The following NR2F1-AS1 variants were observed in gnomAD, a reference collection of about 807,000 sequenced individuals.
The protein encoded by NR2F1-AS1 is NR2F1 antisense RNA 1.
At chr5:93,490,725 C>T (rs1475347423) in intron 4 of NR2F1-AS1, among the ~76,000 whole-genome samples, 1 of 133,118 alleles carries the variant, frequency 7.5e-6, no homozygotes, top group African/African-American at 2.9e-5. Context: ...GGTGGTTGTT[C>T]CTGGTAATGG....
chr5:93,513,523 G>A (rs1180997818), intron 4 of NR2F1-AS1, among the ~76,000 whole-genome samples: 3 of 151,988 alleles, frequency 2.0e-5, no homozygotes, highest in African/African-American at 7.2e-5. Context: ...ACAACATGGA[G>A]GTCATTATCC....
At chr5:93,450,914 C>CAAAAAAAAAAAAAAAAA (rs60895927) in intron 4 of NR2F1-AS1, among the ~76,000 whole-genome samples, 2 of 54,048 alleles carry the variant, frequency 3.7e-5, no homozygotes, top group Non-Finnish European at 8.0e-5. Flanking sequence ...GAATCTGCTT[C>CAAAAAAAAAAAAAAAAA]AAAAAAAAAA....
intron 2 of NR2F1-AS1, among the ~76,000 whole-genome samples, chr5:93,556,300 A>AT (rs1752353590): frequency 6.6e-6 from 1 of 152,230 alleles, no homozygotes; most frequent in South Asian, 2.1e-4. Flanking sequence ...CAGTTTTTAT[A>AT]TAAGAACAGA....
intron 4 of NR2F1-AS1, among the ~76,000 whole-genome samples, chr5:93,511,980 T>A (rs1466001028): frequency 3.9e-5 from 6 of 152,208 alleles, no homozygotes; most frequent in African/African-American, 1.4e-4. Context: ...TACATAGTAC[T>A]TGATAATGAT....
At chr5:93,506,335 A>G (rs545476063) in intron 4 of NR2F1-AS1, among the ~76,000 whole-genome samples, 5 of 152,072 alleles carry the variant, frequency 3.3e-5, no homozygotes, top group African/African-American at 7.2e-5. Flanking sequence ...ACATTTTCCT[A>G]TCTTCTTCTG....
chr5:93,497,091 C>T (rs1303710687), intron 4 of NR2F1-AS1, among the ~76,000 whole-genome samples: 1 of 151,990 alleles, frequency 6.6e-6, no homozygotes, highest in South Asian at 2.1e-4. Context: ...TCAGTAAAGG[C>T]CTTTTTTTTT....
intron 4 of NR2F1-AS1, among the ~76,000 whole-genome samples, chr5:93,423,639 T>C (rs1285382315): frequency 6.6e-6 from 1 of 152,202 alleles, no homozygotes; most frequent in Non-Finnish European, 1.5e-5. Context: ...TCCAAAGTAG[T>C]ACAATTACAA....
chr5:93,474,891 C>T (rs1327233449), intron 4 of NR2F1-AS1, among the ~76,000 whole-genome samples: 5 of 152,030 alleles, frequency 3.3e-5, no homozygotes, highest in African/African-American at 1.2e-4. Flanking sequence ...TTTGGGTGGC[C>T]GAGGCAGGCA....
chr5:93,445,668 T>A (rs1186718738), intron 4 of NR2F1-AS1, among the ~76,000 whole-genome samples: 4 of 151,918 alleles, frequency 2.6e-5, no homozygotes, highest in African/African-American at 4.8e-5. Flanking sequence ...CCAACCAATA[T>A]AAAAAGAGGG....
chr5:93,489,221 C>G (rs1750787633), intron 4 of NR2F1-AS1, among the ~76,000 whole-genome samples: 1 of 151,502 alleles, frequency 6.6e-6, no homozygotes, highest in South Asian at 2.1e-4. Context: ...GCACATGTAT[C>G]ACAGAACTTG....
chr5:93,578,239 A>G (rs1471333355), intron 1 of NR2F1-AS1, among the ~76,000 whole-genome samples: 1 of 152,202 alleles, frequency 6.6e-6, no homozygotes. Context: ...TCACCAGATC[A>G]CAATTTACTG....
At chr5:93,411,927 T>A (rs1434267378) in intron 4 of NR2F1-AS1, among the ~76,000 whole-genome samples, 1 of 152,150 alleles carries the variant, frequency 6.6e-6, no homozygotes, top group Non-Finnish European at 1.5e-5. Flanking sequence ...GAAACAACAG[T>A]TGCAGATAGA....
intron 4 of NR2F1-AS1, among the ~76,000 whole-genome samples, chr5:93,472,288 A>G (rs934093307): frequency 3.3e-5 from 5 of 151,876 alleles, no homozygotes; most frequent in Admixed American, 3.3e-4. Flanking sequence ...GACAATCATG[A>G]ATTTGCTGAT....
At chr5:93,447,448 GA>G (rs1406925666) in intron 4 of NR2F1-AS1, among the ~76,000 whole-genome samples, 1 of 152,122 alleles carries the variant, frequency 6.6e-6, no homozygotes, top group African/African-American at 2.4e-5. Context: ...ACAGACACAT[GA>G]AAAAATGCTC....
intron 4 of NR2F1-AS1, among the ~76,000 whole-genome samples, chr5:93,517,650 G>T (rs1007353931): frequency 1.3e-5 from 2 of 152,020 alleles, no homozygotes; most frequent in African/African-American, 2.4e-5. Context: ...AAAGAATGAA[G>T]TAGGTACTTT....
chr5:93,581,344 G>A (rs1753025012), upstream of NR2F1-AS1: 1 of 152,176 alleles, frequency 6.6e-6, no homozygotes, highest in Non-Finnish European at 1.5e-5. Context: ...CTAGGGGAGC[G>A]ATCTCAAAAC....
At chr5:93,581,708 CTCTCT>C (rs2149936982), upstream of NR2F1-AS1, among the ~76,000 whole-genome samples, 1 of 67,502 alleles carries the variant, frequency 1.5e-5, no homozygotes, top group African/African-American at 8.2e-5. Flanking sequence ...CTCTCTCTCT[CTCTCT>C]CTCTCTCTCT....
At chr5:93,569,761 T>G (rs570258652) in intron 1 of NR2F1-AS1, 1 of 152,248 alleles carries the variant, frequency 6.6e-6, no homozygotes, top group African/African-American at 2.4e-5. Flanking sequence ...GGCTCCATAT[T>G]CATAAATTGG....
intron 4 of NR2F1-AS1, among the ~76,000 whole-genome samples, chr5:93,468,204 G>A (rs984864357): frequency 6.6e-5 from 10 of 152,204 alleles, no homozygotes; most frequent in African/African-American, 1.4e-4. Flanking sequence ...GGTATTTCTA[G>A]TTCTAGATCC....
Sources: gnomAD v4.1 joint callset for allele counts (sites outside exome capture counted in the v4.1 genomes callset) on GRCh38, gnomAD v4.1.1 for gene constraint, MANE v1.5 for transcripts, NCBI Gene and HGNC (gene_info 2026-07-23, HGNC 2026-07-21) for gene names.